Variants in ARL15 observed in about 807,000 individuals in gnomAD.
ARL15 encodes ADP-ribosylation factor-like protein 15.
ARL15 carries 19 observed loss-of-function variants against 25.2 expected under a neutral mutation model. The observed-to-expected ratio is 0.75, with a 90% CI of 0.53 to 1.10. ARL15 has a LOEUF of 1.10. Among genes scored for constraint, ARL15 ranks in the 50% least tolerant of loss-of-function variants. The pLI is 0.00. For missense variants in ARL15, 220 were observed against 246.0 expected, an observed-to-expected ratio of 0.89 and a Z score of 0.71; for synonymous variants, 94 against 86.8, an observed-to-expected ratio of 1.08 and a Z score of -0.46.
rs1206402149 is a variant in ARL15, at chr5:54,154,603, A to G, written c.230T>C (p.Ile77Thr). The change falls in exon 3 of 5, where the codon ATC becomes ACC. Residue 77 changes from isoleucine (I) to threonine (T), a missense_variant. Ile to Thr is a moderately conservative substitution (Grantham distance 89). Coordinates refer to ENST00000504924, the MANE Select transcript of ARL15 (RefSeq NM_019087.3). ...SIKAVPFQNA[I>T]LNVKELGGAD... The stretch of plus-strand genomic sequence containing the variant: ...ACCTCCAAGTTCTTTTACATTCAAG[A>G]TGGCATTCTGGAATGGCACTGCTTT... The G allele has an allele frequency of 2.6e-6, 4 of 1,530,302 alleles. No homozygotes were observed. Among genetic ancestry groups the G allele is most frequent in the Non-Finnish European group, 3.5e-6 (4 of 1,140,138 alleles). 94.8% of individuals were successfully genotyped at this position (1,530,302 alleles called of 1,614,324 possible).
At chr5:54,207,499 C>A (rs1755903109) in intron 1 of ARL15, among the ~76,000 whole-genome samples, 1 of 152,176 alleles carries the variant, frequency 6.6e-6, no homozygotes, top group Non-Finnish European at 1.5e-5. Flanking sequence ...TGAGAAAAGA[C>A]CTCTTTAAAG....
Position 54,195,570 on chromosome 5 carries a change from A to G in ARL15, c.49-23642T>C, listed in dbSNP as rs1579898123. On this transcript the variant is annotated intron_variant, in intron 1 of 4. Transcript: ENST00000504924. ...GAGGACACACACTTAATTTTTCTCT[A>G]TTTTTTCTCATGTCTAAAGTAATAC... is the stretch of plus-strand genomic sequence containing the variant. Among the ~76,000 whole-genome samples the G allele has an allele frequency of 3.9e-5, 6 of 152,084 alleles. No individual in the cohort carries two copies. The South Asian group carries it at 1.2e-3, about 32-fold the overall frequency.
intron 3 of ARL15, among the ~76,000 whole-genome samples, chr5:54,116,908 A>G (rs1219491247): frequency 6.6e-6 from 1 of 152,238 alleles, no homozygotes; most frequent in Non-Finnish European, 1.5e-5. Flanking sequence ...ATATTACCAC[A>G]TAAGCTAGGA....
chr5:54,008,033 G>C (rs1010682376), intron 4 of ARL15, among the ~76,000 whole-genome samples: 1 of 152,200 alleles, frequency 6.6e-6, no homozygotes, highest in African/African-American at 2.4e-5. Context: ...GTCTCTAAAA[G>C]CAGCTATATT....
At chr5:53,998,119 G>A (rs1356464931) in intron 4 of ARL15, among the ~76,000 whole-genome samples, 1 of 152,068 alleles carries the variant, frequency 6.6e-6, no homozygotes, top group Non-Finnish European at 1.5e-5. Context: ...TTCCTTGCCT[G>A]CAGAATGAGA....
At chr5:54,251,006 T>C (rs193148299) in intron 1 of ARL15, among the ~76,000 whole-genome samples, 1 of 152,344 alleles carries the variant, frequency 6.6e-6, no homozygotes, top group African/African-American at 2.4e-5. Flanking sequence ...CTTCAAATGC[T>C]TTCAATCAGA....
At chr5:54,069,258 C>T (rs1333348742) in intron 4 of ARL15, among the ~76,000 whole-genome samples, 1 of 151,786 alleles carries the variant, frequency 6.6e-6, no homozygotes. Context: ...AATCTTTGTC[C>T]CCTCCAAAAC....
intron 4 of ARL15, among the ~76,000 whole-genome samples, chr5:53,933,642 C>CAAAAAAAAAAAAAAAA (rs34912827): frequency 1.3e-5 from 1 of 76,002 alleles, no homozygotes; most frequent in Non-Finnish European, 2.3e-5. Flanking sequence ...GAGACTGTCT[C>CAAAAAAAAAAAAAAAA]AAAAAAAAAA....
intron 4 of ARL15, among the ~76,000 whole-genome samples, chr5:54,072,893 T>C (rs1391201120): frequency 1.3e-5 from 2 of 152,146 alleles, no homozygotes; most frequent in Admixed American, 6.6e-5. Flanking sequence ...CTCATCAAAA[T>C]AGAATCACGC....
chr5:54,267,088 T>A (rs1184651165), intron 1 of ARL15, among the ~76,000 whole-genome samples: 1 of 152,130 alleles, frequency 6.6e-6, no homozygotes, highest in African/African-American at 2.4e-5. Context: ...TGTGTTTTTG[T>A]TTTTGTTTGT....
intron 4 of ARL15, among the ~76,000 whole-genome samples, chr5:53,937,678 G>A (rs973330721): frequency 6.6e-6 from 1 of 152,156 alleles, no homozygotes; most frequent in Non-Finnish European, 1.5e-5. Context: ...GCCTAGGAGT[G>A]TAGCAGGCAG....
In ARL15 at chr5:54,298,452, C is replaced by T. The variant is rs557969433; in HGVS notation, c.48+11980G>A. Among the ~76,000 whole-genome samples, 59 of 152,296 alleles carry T rather than the reference C, an allele frequency of 3.9e-4. No individual in the cohort carries two copies. In the South Asian group the frequency reaches 4.6e-3, roughly 12 times the overall value. On this transcript the variant is annotated intron_variant, in intron 1 of 4. Transcript: ENST00000504924. ...CTCCTCAGTTAAAACCGCTACCTGA[C>T]CACATTTCAGTCACACTTGGCAAAA...
At chr5:53,933,207 G>C (rs1051789601) in intron 4 of ARL15, among the ~76,000 whole-genome samples, 2 of 152,066 alleles carry the variant, frequency 1.3e-5, no homozygotes, top group African/African-American at 4.8e-5. Context: ...TCTGGGCAAG[G>C]GGGTATAGGT....
intron 3 of ARL15, among the ~76,000 whole-genome samples, chr5:54,142,408 A>C (rs1041938805): frequency 6.6e-6 from 1 of 152,170 alleles, no homozygotes; most frequent in African/African-American, 2.4e-5. Flanking sequence ...CTGGGGAACT[A>C]AGTAATTCCT....
chr5:54,269,227 TAAAATAA>T (rs1561289621), intron 1 of ARL15, among the ~76,000 whole-genome samples: 3 of 151,550 alleles, frequency 2.0e-5, no homozygotes, highest in East Asian at 1.9e-4. Flanking sequence ...ATAATAAGAA[TAAAATAA>T]AATAAAATAA....
intron 4 of ARL15, among the ~76,000 whole-genome samples, chr5:53,977,354 CAAAAAAA>C (rs397884651): frequency 4.4e-5 from 4 of 90,270 alleles, no homozygotes; most frequent in African/African-American, 1.6e-4. Flanking sequence ...GACTCCGCCT[CAAAAAAA>C]AAAAAAAAAA....
At chr5:53,921,223 A>C (rs891273052) in intron 4 of ARL15, among the ~76,000 whole-genome samples, 1 of 152,286 alleles carries the variant, frequency 6.6e-6, no homozygotes, top group African/African-American at 2.4e-5. Flanking sequence ...AGGCTCAGAG[A>C]GGTAAGTCAC....
At chr5:54,074,761 A>G (rs1751540787) in intron 4 of ARL15, among the ~76,000 whole-genome samples, 2 of 152,118 alleles carry the variant, frequency 1.3e-5, no homozygotes, top group Non-Finnish European at 2.9e-5. Context: ...GATATTTTCT[A>G]TTTGACTCTG....
At chr5:54,113,498 T>A in intron 3 of ARL15, 88 bp from the exon 4 acceptor site, 1 of 1,254,904 alleles carries the variant, frequency 8.0e-7, no homozygotes, top group Non-Finnish European at 1.1e-6. Context: ...TGGAAACCAA[T>A]GTACCTTTTA....
Sources: allele counts gnomAD v4.1 joint callset (sites outside exome capture counted in the v4.1 genomes callset), GRCh38; gene constraint gnomAD v4.1.1; transcripts MANE v1.5; gene names NCBI Gene and HGNC (gene_info 2026-07-23, HGNC 2026-07-21).